Variants in TAF4B observed in about 807,000 individuals in gnomAD.
TAF4B encodes transcription initiation factor TFIID subunit 4B.
A neutral mutation model predicts 86.4 loss-of-function variants in TAF4B; 38 were observed. That is an observed-to-expected ratio of 0.44 (90% confidence interval 0.34 to 0.58). The LOEUF (loss-of-function observed/expected upper bound fraction) is 0.58. TAF4B is among the 20% of genes least tolerant of loss of function. The pLI, the probability that TAF4B is intolerant of heterozygous loss-of-function variation, is 0.02. For missense variants in TAF4B, 988 were observed against 1,027.6 expected (o/e 0.96, Z 0.53); for synonymous variants, 388 against 391.2 (o/e 0.99, Z 0.10).
chr18:26,245,788 G>A (rs2055914765), intron 1 of TAF4B, among the ~76,000 whole-genome samples: 1 of 152,144 alleles, frequency 6.6e-6, no homozygotes, highest in Non-Finnish European at 1.5e-5. Context: ...AGTCCAGCTG[G>A]CTTCACCTCT....
intron 13 of TAF4B, among the ~76,000 whole-genome samples, chr18:26,347,676 C>G (rs1225152877): frequency 6.6e-6 from 1 of 152,132 alleles, no homozygotes; most frequent in Non-Finnish European, 1.5e-5. Flanking sequence ...ATACTGCCGA[C>G]AGTAAATTCA....
At chr18:26,372,643 G>T (rs2057413870) in intron 14 of TAF4B, among the ~76,000 whole-genome samples, 1 of 152,076 alleles carries the variant, frequency 6.6e-6, no homozygotes, top group African/African-American at 2.4e-5. Context: ...TATCCGTTAT[G>T]TTAATACCAT....
At chr18:26,229,854 A>T (rs1276587886) in intron 1 of TAF4B, among the ~76,000 whole-genome samples, 1 of 152,068 alleles carries the variant, frequency 6.6e-6, no homozygotes, top group Admixed American at 6.6e-5. Context: ...TGATTACACA[A>T]GGGTGCTTAT....
intron 14 of TAF4B, among the ~76,000 whole-genome samples, chr18:26,367,999 A>G (rs1163686011): frequency 6.6e-6 from 1 of 152,178 alleles, no homozygotes; most frequent in Non-Finnish European, 1.5e-5. Flanking sequence ...TATTTATTGC[A>G]TCTCTACCGT....
intron 10 of TAF4B, among the ~76,000 whole-genome samples, chr18:26,318,648 C>T (rs929406560): frequency 3.3e-5 from 5 of 152,106 alleles, no homozygotes; most frequent in African/African-American, 4.8e-5. Flanking sequence ...CCAACTAGAT[C>T]TTAATCAGTT....
At position 26,282,201 on chromosome 18, in the gene TAF4B, C is replaced by G. The variant is rs8086267; in HGVS notation, c.972+141C>G. The G allele has an allele frequency of 8.6e-3, 5,753 of 665,986 alleles. 234 individuals carry two copies. The African/African-American group carries it at 0.095, about 11-fold the overall frequency. 41.3% of individuals were successfully genotyped at this position (665,986 alleles called of 1,614,324 possible). On this transcript the variant is annotated intron_variant, in intron 6 of 14. Transcript: ENST00000269142. ...AGAAACCTCTGAGTGCTTTTGTAAG[C>G]TATAAAGCGTGTTCATAATATTATT...
At chr18:26,231,478 A>G (rs532280049) in intron 1 of TAF4B, among the ~76,000 whole-genome samples, 2 of 151,522 alleles carry the variant, frequency 1.3e-5, no homozygotes, top group Admixed American at 1.3e-4. Flanking sequence ...TCAGCCTCCA[A>G]GTAGCTGAGA....
chr18:26,235,394 T>C (rs546975966), intron 1 of TAF4B, among the ~76,000 whole-genome samples: 27 of 152,326 alleles, frequency 1.8e-4, no homozygotes, highest in African/African-American at 6.3e-4. Flanking sequence ...CTGGTTCCTC[T>C]GGCTAAGATT....
chr18:26,340,912 A>G (rs1337853165), intron 13 of TAF4B, among the ~76,000 whole-genome samples: 61 of 152,268 alleles, frequency 4.0e-4, no homozygotes, highest in Admixed American at 4.0e-3. Context: ...TGAAAGCTTC[A>G]CTAGGTTTCC....
intron 13 of TAF4B, chr18:26,348,396 A>G (rs947939006): frequency 2.0e-5 from 3 of 152,630 alleles, no homozygotes; most frequent in East Asian, 1.9e-4. Context: ...AATGAATGTG[A>G]CAAGGTCTCT....
chr18:26,346,877 G>GTGTGTGTATATA (rs1391442304), intron 13 of TAF4B, among the ~76,000 whole-genome samples: 2 of 6,608 alleles, frequency 3.0e-4, no homozygotes, highest in Non-Finnish European at 8.3e-4. Context: ...ATATATATGT[G>GTGTGTGTATATA]TATATATATA....
At position 26,308,424 on chromosome 18, in the gene TAF4B, G is replaced by A. The variant is rs147076253; in HGVS notation, c.1833-6805G>A. On this transcript the variant is annotated intron_variant, in intron 9 of 14. Transcript: ENST00000269142. The stretch of plus-strand genomic sequence containing the variant: ...TGCAGAATAAACTGAGAAGGAGGAC[G>A]TTAGAGGTAGGTACACCATGAAGTG... Among the ~76,000 whole-genome samples the A allele has an allele frequency of 2.0e-3, 309 of 152,242 alleles. 1 individual carries two copies. The highest frequency in any genetic ancestry group is 7.2e-3 in the African/African-American group (300 of 41,536).
At chr18:26,283,808 T>C (rs1359413364) in intron 6 of TAF4B, among the ~76,000 whole-genome samples, 1 of 152,134 alleles carries the variant, frequency 6.6e-6, no homozygotes, top group Non-Finnish European at 1.5e-5. Flanking sequence ...CCCAGCACTT[T>C]AGGAGCCCAA....
intron 3 of TAF4B, 106 bp from the exon 4 acceptor site, chr18:26,274,557 T>C: frequency 1.6e-6 from 2 of 1,286,124 alleles, no homozygotes; most frequent in South Asian, 2.8e-5. Context: ...GAGCATAACA[T>C]AAAACCACAG....
At chr18:26,247,581 T>A (rs951534803) in intron 1 of TAF4B, among the ~76,000 whole-genome samples, 1 of 152,008 alleles carries the variant, frequency 6.6e-6, no homozygotes, top group Non-Finnish European at 1.5e-5. Context: ...AATCTTCTTT[T>A]AAAAAAAATT....
intron 14 of TAF4B, 46 bp from the exon 15 acceptor site, chr18:26,389,799 A>G (rs368175231): frequency 4.2e-5 from 66 of 1,583,064 alleles, no homozygotes; most frequent in Admixed American, 1.8e-4. Context: ...CTTTCCCTTT[A>G]TGAAAGATTT....
At chr18:26,382,448 T>C (rs1331027103) in intron 14 of TAF4B, among the ~76,000 whole-genome samples, 2 of 152,158 alleles carry the variant, frequency 1.3e-5, no homozygotes, top group South Asian at 4.1e-4. Context: ...ACTTTCTTAA[T>C]GTTTGGAGAA....
intron 13 of TAF4B, among the ~76,000 whole-genome samples, chr18:26,354,255 G>C (rs1203722277): frequency 6.6e-6 from 1 of 152,114 alleles, no homozygotes; most frequent in African/African-American, 2.4e-5. Context: ...TGTATTTTTA[G>C]TAGAGACGGG....
chr18:26,367,788 T>G (rs1383640680), intron 14 of TAF4B, among the ~76,000 whole-genome samples: 2 of 152,256 alleles, frequency 1.3e-5, no homozygotes, highest in South Asian at 4.1e-4. Flanking sequence ...TTTATCTTCA[T>G]GTAATCATTT....
Sources: allele counts gnomAD v4.1 joint callset (sites outside exome capture counted in the v4.1 genomes callset), GRCh38; gene constraint gnomAD v4.1.1; transcripts MANE v1.5; gene names NCBI Gene and HGNC (gene_info 2026-07-23, HGNC 2026-07-21).